Variants in CDH4 observed in about 807,000 individuals in gnomAD.
CDH4 encodes cadherin-4.
A neutral mutation model predicts 86.0 loss-of-function variants in CDH4; 33 were observed. The observed-to-expected ratio is 0.38, with a 90% CI of 0.29 to 0.51. The LOEUF (loss-of-function observed/expected upper bound fraction) is 0.51, where lower values mean the gene tolerates loss of function less well. Ranked by LOEUF, CDH4 falls within the 20% of genes least tolerant of loss-of-function variation. CDH4 has a pLI of 0.86. For missense variants in CDH4, 1,114 were observed against 1,307.4 expected, an observed-to-expected ratio of 0.85 and a Z score of 2.28; for synonymous variants, 555 against 549.4, an observed-to-expected ratio of 1.01 and a Z score of -0.14.
At chr20:61,652,938 A>ATTTTTATTTTTT (rs2087138479) in intron 2 of CDH4, among the ~76,000 whole-genome samples, 5 of 97,438 alleles carry the variant, frequency 5.1e-5, no homozygotes, top group Admixed American at 1.1e-4. Context: ...TTATTTATTT[A>ATTTTTATTTTTT]TTTTTTTTTT....
Position 61,791,046 on chromosome 20 carries a change from G to A in CDH4, c.576+17864G>A, listed in dbSNP as rs115472699. Among the ~76,000 whole-genome samples, 538 of 152,162 alleles carry A rather than the reference G, an allele frequency of 3.5e-3. 6 individuals are homozygous for A. The highest frequency in any genetic ancestry group is 0.012 in the African/African-American group (496 of 41,554). Reference sequence around the variant, plus strand: ...AAGCCAGAACTCTGGCATAACCACAGCACCCAGCTCCAGCTACTGTTTCAA... The same window carrying A: ...AAGCCAGAACTCTGGCATAACCACAACACCCAGCTCCAGCTACTGTTTCAA... On this transcript the variant is annotated intron_variant, in intron 4 of 15. Transcript: ENST00000614565.
At chr20:61,734,176 G>A (rs1386692804) in intron 2 of CDH4, among the ~76,000 whole-genome samples, 5 of 152,368 alleles carry the variant, frequency 3.3e-5, no homozygotes, top group South Asian at 2.1e-4. Context: ...CGTCACTGCC[G>A]TGCACGCGTG....
At chr20:61,659,518 A>G (rs953595892) in intron 2 of CDH4, among the ~76,000 whole-genome samples, 1 of 151,694 alleles carries the variant, frequency 6.6e-6, no homozygotes, top group African/African-American at 2.4e-5. Context: ...GAAGGGTCTC[A>G]GCGGCTTGGA....
chr20:61,797,105 C>T (rs8115095), intron 4 of CDH4, among the ~76,000 whole-genome samples: 3,298 of 151,798 alleles, frequency 0.022, 120 homozygotes, highest in African/African-American at 0.076. Flanking sequence ...CCAACACTGG[C>T]CAGCTCCTGG....
intron 2 of CDH4, among the ~76,000 whole-genome samples, chr20:61,347,552 T>G (rs1484322326): frequency 6.6e-6 from 1 of 152,240 alleles, no homozygotes; most frequent in African/African-American, 2.4e-5. Flanking sequence ...TAATGGCAGC[T>G]GTCAGTGCTA....
intron 2 of CDH4, among the ~76,000 whole-genome samples, chr20:61,693,884 C>CTTTTTTTT (rs11479778): frequency 1.1e-4 from 9 of 82,700 alleles, no homozygotes; most frequent in Non-Finnish European, 1.3e-4. Context: ...CTCTTTCTTT[C>CTTTTTTTT]TTTTTTTTTT....
chr20:61,802,332 CAAA>C (rs1979872079), intron 4 of CDH4, among the ~76,000 whole-genome samples: 2 of 152,186 alleles, frequency 1.3e-5, no homozygotes, highest in Non-Finnish European at 2.9e-5. Flanking sequence ...CTTTGAACCC[CAAA>C]AGTCAGACTA....
intron 2 of CDH4, among the ~76,000 whole-genome samples, chr20:61,448,567 T>C (rs2085364526): frequency 6.6e-6 from 1 of 152,178 alleles, no homozygotes; most frequent in African/African-American, 2.4e-5. Flanking sequence ...TGGGTGTCTC[T>C]GAAAGGACAA....
intron 2 of CDH4, among the ~76,000 whole-genome samples, chr20:61,691,669 G>A (rs1758702444): frequency 1.3e-5 from 2 of 152,160 alleles, no homozygotes; most frequent in Admixed American, 6.5e-5. Flanking sequence ...TGCTCCAGGC[G>A]GCAAACCTGT....
chr20:61,847,744 G>A (rs916500570), intron 5 of CDH4, among the ~76,000 whole-genome samples: 1 of 152,192 alleles, frequency 6.6e-6, no homozygotes, highest in African/African-American at 2.4e-5. Context: ...CCACTCATGG[G>A]AGAAAGTGAA....
At chr20:61,438,285 A>G (rs534715046) in intron 2 of CDH4, among the ~76,000 whole-genome samples, 15 of 152,356 alleles carry the variant, frequency 9.8e-5, no homozygotes, top group South Asian at 6.2e-4. Flanking sequence ...ACTCACCAGG[A>G]TGAAAGCACA....
chr20:61,575,311 G>A (rs2086374475), intron 2 of CDH4, among the ~76,000 whole-genome samples: 1 of 152,160 alleles, frequency 6.6e-6, no homozygotes, highest in African/African-American at 2.4e-5. Context: ...AAGGAGAGAG[G>A]TTTTTCCTGG....
At chr20:61,643,207 G>C (rs536604875) in intron 2 of CDH4, among the ~76,000 whole-genome samples, 4 of 152,194 alleles carry the variant, frequency 2.6e-5, no homozygotes, top group African/African-American at 4.8e-5. Flanking sequence ...CACAGGGAGG[G>C]GGGGTGTAGA....
intron 6 of CDH4, among the ~76,000 whole-genome samples, chr20:61,870,660 C>T (rs759721851): frequency 2.0e-5 from 3 of 152,154 alleles, no homozygotes; most frequent in African/African-American, 7.2e-5. Flanking sequence ...GTGAGTGCTT[C>T]GGGAAGCTGG....
At chr20:61,598,668 G>A (rs1459420926) in intron 2 of CDH4, among the ~76,000 whole-genome samples, 1 of 152,180 alleles carries the variant, frequency 6.6e-6, no homozygotes, top group African/African-American at 2.4e-5. Context: ...CCTGTAGAAC[G>A]GGGACTTTGC....
chr20:61,879,448 T>C lies in CDH4; in HGVS notation c.1050+5548T>C, dbSNP rs748244507. On this transcript the variant is annotated intron_variant, in intron 7 of 15. Transcript: ENST00000614565. The surrounding 1 kb of genome is among the most constrained non-coding windows in gnomAD (Gnocchi z 4.1). Reference sequence around the variant, plus strand: ...CTTCGGGGGAAGCACCAGAGATACTTCTCAGCACCAGCCTCCATCTGACAG... The same window carrying C: ...CTTCGGGGGAAGCACCAGAGATACTCCTCAGCACCAGCCTCCATCTGACAG... 6.6e-6 allele frequency among the ~76,000 whole-genome samples: 1 copy of C among 152,182 alleles called. No homozygotes were observed. The highest frequency in any genetic ancestry group is 1.5e-5 in the Non-Finnish European group (1 of 68,032).
intron 2 of CDH4, among the ~76,000 whole-genome samples, chr20:61,349,702 T>C (rs548219065): frequency 6.6e-6 from 1 of 152,278 alleles, no homozygotes; most frequent in African/African-American, 2.4e-5. Context: ...CCTTGTGTTA[T>C]AAAGAATCAC....
chr20:61,432,570 T>C (rs1365804122), intron 2 of CDH4, among the ~76,000 whole-genome samples: 3 of 152,188 alleles, frequency 2.0e-5, no homozygotes, highest in Admixed American at 2.0e-4. Context: ...TGAAAGTGCA[T>C]GTGTGTATGT....
intron 2 of CDH4, among the ~76,000 whole-genome samples, chr20:61,692,295 G>T (rs909921003): frequency 1.1e-4 from 17 of 149,468 alleles, no homozygotes; most frequent in Non-Finnish European, 2.4e-4. Flanking sequence ...GTGTGTGTCT[G>T]TGTGTGTGTG....
Sources: gnomAD v4.1 joint callset for allele counts (sites outside exome capture counted in the v4.1 genomes callset) on GRCh38, gnomAD v4.1.1 for gene constraint, Gnocchi (gnomAD v3.1) non-coding constraint, MANE v1.5 for transcripts, NCBI Gene and HGNC (gene_info 2026-07-23, HGNC 2026-07-21) for gene names.